The following NUDT19 variants were observed in gnomAD, a reference collection of about 807,000 sequenced individuals.
NUDT19 encodes acyl-coenzyme A diphosphatase NUDT19.
Under a neutral mutation model 22.2 loss-of-function variants are expected in NUDT19, and 31 were observed. That is an observed-to-expected ratio of 1.40 (90% confidence interval 1.05 to 1.89). The LOEUF (loss-of-function observed/expected upper bound fraction) is 1.89, where lower values mean the gene tolerates loss of function less well. NUDT19 is among the 40% of genes most tolerant of loss of function. The pLI, the probability that NUDT19 is intolerant of heterozygous loss-of-function variation, is 0.00. For synonymous variants in NUDT19, 325 were observed against 230.8 expected (o/e 1.41, Z -3.70); for missense variants, 752 against 514.2 (o/e 1.46, Z -4.47).
intron 1 of NUDT19, among the ~76,000 whole-genome samples, chr19:32,700,109 G>A (rs560685178): frequency 7.7e-4 from 117 of 152,376 alleles, no homozygotes; most frequent in African/African-American, 2.6e-3. Context: ...CAAAAGAACA[G>A]AGCTTCCACA....
chr19:32,698,464 G>A (rs1231035556), intron 1 of NUDT19, among the ~76,000 whole-genome samples: 7 of 151,838 alleles, frequency 4.6e-5, no homozygotes, highest in African/African-American at 1.5e-4. Flanking sequence ...AACCTGCAAC[G>A]GTCCCTGGAC....
chr19:32,695,278 C>T (rs1466942558), intron 1 of NUDT19, among the ~76,000 whole-genome samples: 1 of 152,158 alleles, frequency 6.6e-6, no homozygotes, highest in Admixed American at 6.5e-5. Flanking sequence ...TTCCCGGGTT[C>T]AAGCAATTCT....
intron 1 of NUDT19, among the ~76,000 whole-genome samples, chr19:32,706,281 T>A (rs1488252579): frequency 6.6e-6 from 1 of 152,184 alleles, no homozygotes; most frequent in East Asian, 1.9e-4. Flanking sequence ...TGGTTTGAGT[T>A]ACCCTCAGTC....
intron 2 of NUDT19, among the ~76,000 whole-genome samples, chr19:32,711,005 A>G (rs916606907): frequency 6.6e-6 from 1 of 152,214 alleles, no homozygotes; most frequent in African/African-American, 2.4e-5. Flanking sequence ...TGAAACATCA[A>G]AAGTATATGA....
chr19:32,708,134 G>GCGAGACTCCGTCTCAAAA (rs1968407136), intron 1 of NUDT19, among the ~76,000 whole-genome samples: 1 of 143,778 alleles, frequency 7.0e-6, no homozygotes, highest in African/African-American at 2.6e-5. Context: ...GGGCGACAGA[G>GCGAGACTCCGTCTCAAAA]AGTACTCGGT....
chr19:32,695,218 C>G (rs991310952), intron 1 of NUDT19, among the ~76,000 whole-genome samples: 2 of 152,140 alleles, frequency 1.3e-5, no homozygotes, highest in African/African-American at 4.8e-5. Context: ...CTTGCCCTGT[C>G]ACCCAGGCTG....
chr19:32,707,745 G>A (rs1330829773), intron 1 of NUDT19, among the ~76,000 whole-genome samples: 2 of 152,124 alleles, frequency 1.3e-5, no homozygotes, highest in African/African-American at 2.4e-5. Flanking sequence ...TTGAGAGGCC[G>A]AGGCGGGTGG....
At chr19:32,705,511 G>A (rs1968378945) in intron 1 of NUDT19, among the ~76,000 whole-genome samples, 1 of 151,492 alleles carries the variant, frequency 6.6e-6, no homozygotes, top group Non-Finnish European at 1.5e-5. Flanking sequence ...TTGTCTTGAG[G>A]TTTAATTTTA....
chr19:32,707,572 C>T (rs1000124726), intron 1 of NUDT19, among the ~76,000 whole-genome samples: 6 of 152,168 alleles, frequency 3.9e-5, no homozygotes, highest in East Asian at 1.9e-4. Context: ...TGGCCAGGCG[C>T]GGTGGCTCAC....
intron 1 of NUDT19, among the ~76,000 whole-genome samples, chr19:32,699,273 C>T (rs772331922): frequency 1.4e-4 from 22 of 152,068 alleles, no homozygotes; most frequent in Non-Finnish European, 2.4e-4. Context: ...CAAAGAAAGG[C>T]GAGAGGAAGT....
chr19:32,700,099 C>G (rs1384648456), intron 1 of NUDT19, among the ~76,000 whole-genome samples: 8 of 152,208 alleles, frequency 5.3e-5, no homozygotes, highest in South Asian at 4.1e-4. Flanking sequence ...TTGCGAAGAG[C>G]AAAAGAACAG....
In NUDT19 at chr19:32,692,658, A is replaced by G; in HGVS notation, c.698A>G (p.Glu233Gly). ...CCGCCCGTCTACCCCGACTTGGCGG[A>G]GGTGGTGGGCTACCAGGTAAGGCCT... ...EPPPVYPDLA[E>G]VVGYQWSSPS... The change falls in exon 1 of 3, where the codon GAG (glutamate) becomes GGG (glycine). Residue 233 changes from glutamate to glycine, a missense_variant. Physicochemically the swap from Glu to Gly is moderately conservative, Grantham distance 98. Transcript: ENST00000397061. 2 of 1,512,222 alleles carry G rather than the reference A, an allele frequency of 1.3e-6. No individual in the cohort carries two copies. Among genetic ancestry groups the G allele is most frequent in the Non-Finnish European group, 1.8e-6 (2 of 1,136,694 alleles). 93.7% of individuals were successfully genotyped at this position (1,512,222 alleles called of 1,614,324 possible).
chr19:32,705,133 T>C (rs995969255), intron 1 of NUDT19, among the ~76,000 whole-genome samples: 15 of 138,888 alleles, frequency 1.1e-4, no homozygotes, highest in African/African-American at 4.1e-4. Flanking sequence ...AAAAAAGTAT[T>C]GGAACTTGGC....
Position 32,692,120 on chromosome 19 carries a change from G to A in NUDT19, c.160G>A (p.Gly54Ser), listed in dbSNP as rs947544726. Residue 54 changes from glycine to serine, a missense_variant, in exon 1 of 3, where the codon GGC (glycine) becomes AGC (serine). Physicochemically the swap from Gly to Ser is moderately conservative, Grantham distance 56. Coordinates refer to ENST00000397061, the MANE Select transcript of NUDT19 (RefSeq NM_001105570.2). ...LLLLQRSPHQ[G>S]FMPGAHVFSG... ...GCTGCTGCAGCGCTCCCCGCACCAA[G>A]GCTTCATGCCGGGCGCGCACGTCTT... The A allele has an allele frequency of 5.5e-6, 8 of 1,457,810 alleles. No homozygotes were observed. Among genetic ancestry groups the A allele is most frequent in the East Asian group, 2.9e-5 (1 of 34,726 alleles). 90.3% of individuals were successfully genotyped at this position (1,457,810 alleles called of 1,614,324 possible).
intron 1 of NUDT19, among the ~76,000 whole-genome samples, chr19:32,700,855 A>G (rs1411777692): frequency 2.0e-5 from 3 of 152,164 alleles, no homozygotes; most frequent in African/African-American, 7.2e-5. Context: ...GGACTGTAAC[A>G]TACTAAGACC....
chr19:32,701,580 G>A (rs1260908816), intron 1 of NUDT19, among the ~76,000 whole-genome samples: 1 of 152,136 alleles, frequency 6.6e-6, no homozygotes, highest in Non-Finnish European at 1.5e-5. Context: ...AATAATTGTG[G>A]AGTTGTCTTT....
chr19:32,696,663 T>C (rs1301552226), intron 1 of NUDT19, among the ~76,000 whole-genome samples: 2 of 152,280 alleles, frequency 1.3e-5, no homozygotes, highest in Admixed American at 1.3e-4. Context: ...TGTGGGACTT[T>C]CAGGCATAAC....
Position 32,692,392 on chromosome 19 carries a change from G to A in NUDT19, c.432G>A (p.Arg144=), listed in dbSNP as rs778939600. 3.2e-6 allele frequency: 5 copies of A among 1,580,888 alleles called. No homozygotes were observed. The highest frequency in any genetic ancestry group is 1.4e-5 in the African/African-American group (1 of 72,756). ...CGGGCGTGCTGCTGCTGCGGCCCAG[G>A]ACTTCCCCACCAGGCCCAGCACCCG... ...EEAGVLLLRP[R]TSPPGPAPGP... is the part of the protein sequence containing the mutation. The change falls in exon 1 of 3, where the codon AGG becomes AGA. Residue 144 remains arginine (R), a synonymous_variant. Coordinates refer to ENST00000397061, the MANE Select transcript of NUDT19 (RefSeq NM_001105570.2).
At chr19:32,702,220 C>A (rs547216427) in intron 1 of NUDT19, among the ~76,000 whole-genome samples, 14 of 152,306 alleles carry the variant, frequency 9.2e-5, no homozygotes, top group Non-Finnish European at 1.8e-4. Context: ...CTTGAGTCAA[C>A]ACCATTAGAG....
Sources: gnomAD v4.1 joint callset for allele counts (sites outside exome capture counted in the v4.1 genomes callset) on GRCh38, gnomAD v4.1.1 for gene constraint, MANE v1.5 for transcripts, NCBI Gene and HGNC (gene_info 2026-07-23, HGNC 2026-07-21) for gene names.